CDYL2: variants seen among roughly 807,000 people sequenced by gnomAD.
CDYL2 encodes the protein chromodomain Y-like protein 2.
CDYL2 carries 23 observed loss-of-function variants against 49.4 expected under a neutral mutation model. That is an observed-to-expected ratio of 0.47 (90% confidence interval 0.34 to 0.66). CDYL2 has a LOEUF of 0.66. Ranked by LOEUF, CDYL2 falls within the 30% of genes least tolerant of loss-of-function variation. The pLI is 0.01. For missense variants in CDYL2, 678 were observed against 656.4 expected, an observed-to-expected ratio of 1.03 and a Z score of -0.36; for synonymous variants, 360 against 268.8, an observed-to-expected ratio of 1.34 and a Z score of -3.32.
intron 6 of CDYL2, among the ~76,000 whole-genome samples, chr16:80,607,665 G>C (rs1405906547): frequency 1.3e-5 from 2 of 152,256 alleles, no homozygotes; most frequent in African/African-American, 4.8e-5. Context: ...GTGACGAGCA[G>C]TCGGTGGAGA....
rs1401040779 is a variant in CDYL2, at chr16:80,599,514, G to A, written c.*4874C>T. 1 of 152,152 alleles carries A rather than the reference G, an allele frequency of 6.6e-6. No individual in the cohort carries two copies. The highest frequency in any genetic ancestry group is 1.5e-5 in the Non-Finnish European group (1 of 68,044). 9.4% of individuals were successfully genotyped at this position (152,152 alleles called of 1,614,324 possible). Reference sequence around the variant, plus strand: ...TATGTTCTACATTTAGTTTGCCTTTGTCCTGCTAAACTCCAGTTTAGTATG... The same window carrying A: ...TATGTTCTACATTTAGTTTGCCTTTATCCTGCTAAACTCCAGTTTAGTATG... On this transcript the variant is annotated 3_prime_UTR_variant, in exon 7 of 7. Transcript: ENST00000570137.
chr16:80,707,266 C>A (rs1009670279), intron 1 of CDYL2, among the ~76,000 whole-genome samples: 4 of 152,060 alleles, frequency 2.6e-5, no homozygotes, highest in African/African-American at 7.2e-5. Context: ...AGTTCAAGAC[C>A]AGCCTGGTCA....
intron 2 of CDYL2, among the ~76,000 whole-genome samples, chr16:80,654,863 T>G (rs932298747): frequency 2.6e-5 from 4 of 152,218 alleles, no homozygotes; most frequent in African/African-American, 9.6e-5. Context: ...TTCAGTGAAC[T>G]TCGGAGAGTA....
At chr16:80,684,281 T>C (rs1174121767) in intron 2 of CDYL2, among the ~76,000 whole-genome samples, 2 of 151,648 alleles carry the variant, frequency 1.3e-5, no homozygotes, top group Admixed American at 6.6e-5. Flanking sequence ...GAAATAAGAG[T>C]CTGGAACTTT....
At chr16:80,719,074 A>C (rs1337898170) in intron 1 of CDYL2, among the ~76,000 whole-genome samples, 1 of 152,204 alleles carries the variant, frequency 6.6e-6, no homozygotes, top group African/African-American at 2.4e-5. Flanking sequence ...ACTCCTTGGA[A>C]GCGAACATTA....
intron 1 of CDYL2, among the ~76,000 whole-genome samples, chr16:80,756,534 C>G (rs76659353): frequency 0.012 from 1,801 of 151,998 alleles, 27 homozygotes; most frequent in African/African-American, 0.039. Flanking sequence ...TAAAAATAAA[C>G]AACATCAAAT....
At chr16:80,698,754 T>C (rs1053016023) in intron 1 of CDYL2, among the ~76,000 whole-genome samples, 30 of 152,154 alleles carry the variant, frequency 2.0e-4, no homozygotes, top group Admixed American at 4.6e-4. Flanking sequence ...CCTTCTGCCA[T>C]GATTGTAAGT....
intron 2 of CDYL2, among the ~76,000 whole-genome samples, chr16:80,663,228 C>G (rs1356509172): frequency 6.6e-6 from 1 of 151,398 alleles, no homozygotes; most frequent in African/African-American, 2.4e-5. Context: ...GAGAACAGAC[C>G]AACCCAGGGG....
At chr16:80,605,674 T>C in intron 6 of CDYL2, among the ~76,000 whole-genome samples, 1 of 151,864 alleles carries the variant, frequency 6.6e-6, no homozygotes, top group South Asian at 2.1e-4. Flanking sequence ...GTAATAATCA[T>C]AGTAGTGAGT....
At chr16:80,690,094 C>A (rs1910353255) in intron 1 of CDYL2, among the ~76,000 whole-genome samples, 1 of 150,596 alleles carries the variant, frequency 6.6e-6, no homozygotes, top group Non-Finnish European at 1.5e-5. Context: ...GCACTCTAGC[C>A]TAGGAGACAG....
intron 1 of CDYL2, among the ~76,000 whole-genome samples, chr16:80,797,939 G>A (rs933996867): frequency 7.2e-5 from 11 of 152,270 alleles, no homozygotes; most frequent in African/African-American, 2.6e-4. Context: ...CATTAAAAAC[G>A]TTACCATTCA....
chr16:80,730,206 A>C (rs1388736476), intron 1 of CDYL2, among the ~76,000 whole-genome samples: 2 of 152,188 alleles, frequency 1.3e-5, no homozygotes, highest in Admixed American at 1.3e-4. Flanking sequence ...GACCGCTAGC[A>C]AGACTAATAA....
intron 2 of CDYL2, among the ~76,000 whole-genome samples, chr16:80,654,024 T>A (rs943852529): frequency 6.6e-6 from 1 of 152,062 alleles, no homozygotes; most frequent in Non-Finnish European, 1.5e-5. Context: ...AGTTGGAAAA[T>A]CTCCTGGACT....
At chr16:80,786,960 C>G (rs1907457543) in intron 1 of CDYL2, among the ~76,000 whole-genome samples, 1 of 151,920 alleles carries the variant, frequency 6.6e-6, no homozygotes, top group South Asian at 2.1e-4. Flanking sequence ...AGGAAAAATA[C>G]CTAATGTAGG....
At chr16:80,674,938 T>C (rs1909681932) in intron 2 of CDYL2, among the ~76,000 whole-genome samples, 1 of 152,222 alleles carries the variant, frequency 6.6e-6, no homozygotes, top group South Asian at 2.1e-4. Flanking sequence ...TGTGTATATA[T>C]GATGTGTGCA....
chr16:80,699,170 G>T (rs1904288605), intron 1 of CDYL2, among the ~76,000 whole-genome samples: 1 of 152,108 alleles, frequency 6.6e-6, no homozygotes, highest in South Asian at 2.1e-4. Flanking sequence ...ATATCCAAAG[G>T]AAGGAAAATC....
At chr16:80,604,840 T>C (rs1214527185) in intron 6 of CDYL2, among the ~76,000 whole-genome samples, 1 of 152,204 alleles carries the variant, frequency 6.6e-6, no homozygotes, top group Non-Finnish European at 1.5e-5. Flanking sequence ...AGTCCTTTTC[T>C]ATAGGTGTCA....
In CDYL2 at chr16:80,603,297, A is replaced by C. The variant is rs1906177594; in HGVS notation, c.*1091T>G. ...AGTATGCTATTCTCAGGTAGGGCCT[A>C]TCCCCACTCCTGCCCAACATCACGC... On this transcript the variant is annotated 3_prime_UTR_variant, in exon 7 of 7. Transcript: ENST00000570137. 1 of 152,214 alleles carries C rather than the reference A, an allele frequency of 6.6e-6. No individual in the cohort carries two copies. The highest frequency in any genetic ancestry group is 1.5e-5 in the Non-Finnish European group (1 of 68,062). 9.4% of individuals were successfully genotyped at this position (152,214 alleles called of 1,614,324 possible).
intron 1 of CDYL2, among the ~76,000 whole-genome samples, chr16:80,755,331 T>C (rs1322800815): frequency 1.3e-5 from 2 of 152,168 alleles, no homozygotes; most frequent in African/African-American, 4.8e-5. Flanking sequence ...TGGAAGGGCT[T>C]CCTTGCTCCC....
Sources: gnomAD v4.1 joint callset for allele counts (sites outside exome capture counted in the v4.1 genomes callset) on GRCh38, gnomAD v4.1.1 for gene constraint, MANE v1.5 for transcripts, NCBI Gene and HGNC (gene_info 2026-07-23, HGNC 2026-07-21) for gene names.